Variants in CLDN16 observed in about 807,000 individuals in gnomAD.
The protein encoded by CLDN16 is claudin 16.
In CLDN16, 13 loss-of-function variants were observed where a neutral mutation model predicts 24.6. The ratio of observed to expected loss-of-function variants is 0.53; its 90% CI spans 0.34 to 0.84. The LOEUF is 0.84. CLDN16 is among the 40% of genes least tolerant of loss of function. The pLI, the probability that CLDN16 is intolerant of heterozygous loss-of-function variation, is 0.01. For missense variants in CLDN16, 298 were observed against 292.7 expected (o/e 1.02, Z -0.13); for synonymous variants, 116 against 106.7 (o/e 1.09, Z -0.54).
At chr3:190,393,667 T>G (rs1021945805) in intron 1 of CLDN16, among the ~76,000 whole-genome samples, 1 of 152,102 alleles carries the variant, frequency 6.6e-6, no homozygotes, top group African/African-American at 2.4e-5. Flanking sequence ...CAGAGAAATA[T>G]AAGGTTTAAA....
At chr3:190,406,543 A>G (rs1719100948) in intron 3 of CLDN16, among the ~76,000 whole-genome samples, 1 of 152,202 alleles carries the variant, frequency 6.6e-6, no homozygotes, top group Non-Finnish European at 1.5e-5. Context: ...AGAAATAACT[A>G]AATTGAAAGA....
chr3:190,408,104 A>G (rs1371225120), intron 3 of CLDN16, among the ~76,000 whole-genome samples: 2 of 152,232 alleles, frequency 1.3e-5, no homozygotes, highest in African/African-American at 2.4e-5. Flanking sequence ...TTCTTTATGT[A>G]TAAACTGAGA....
chr3:190,374,269 TTGTGTGTGTGTGTGTG>T (rs3220823), intron 2 of CLDN16, among the ~76,000 whole-genome samples: 10 of 139,300 alleles, frequency 7.2e-5, no homozygotes, highest in South Asian at 2.4e-4. Context: ...CTGAAAAACA[TTGTGTGTGTGTGTGTG>T]TGTGTGTGTG....
the CLDN16 span, chr3:190,307,939 A>G: frequency 4.9e-6 from 1 of 203,958 alleles, no homozygotes; most frequent in Non-Finnish European, 1.0e-5. Context: ...TGAGAATAGT[A>G]TTTTACTGTC....
At chr3:190,408,622 ATTAAAAATTCCAATTGT>A (rs1156458010) in intron 4 of CLDN16, 117 bp downstream of exon 4, 1 of 958,426 alleles carries the variant, frequency 1.0e-6, no homozygotes, top group African/African-American at 1.6e-5. Flanking sequence ...ACCTATTGCC[ATTAAAAATTCCAATTGT>A]TCAAGGGCAA....
chr3:190,314,334 G>C, the CLDN16 span, among the ~76,000 whole-genome samples: 2 of 152,106 alleles, frequency 1.3e-5, no homozygotes, highest in African/African-American at 4.8e-5. Context: ...ATTAAATCTT[G>C]ATTTACTGAT....
intron 1 of CLDN16, among the ~76,000 whole-genome samples, chr3:190,354,458 A>G (rs974898317): frequency 6.6e-6 from 1 of 151,958 alleles, no homozygotes; most frequent in Non-Finnish European, 1.5e-5. Flanking sequence ...GGGATTTTGA[A>G]GACACACTCT....
chr3:190,380,062 A>G (rs565174674), intron 3 of CLDN16, among the ~76,000 whole-genome samples: 4 of 151,192 alleles, frequency 2.6e-5, no homozygotes, highest in African/African-American at 9.7e-5. Context: ...CTATTAATCT[A>G]TAGTTACTAA....
intron 1 of CLDN16, among the ~76,000 whole-genome samples, chr3:190,365,336 T>C (rs1003645560): frequency 6.6e-6 from 1 of 151,684 alleles, no homozygotes; most frequent in African/African-American, 2.4e-5. Context: ...TTTCAGCTAT[T>C]CTGATGCTGC....
At chr3:190,346,431 G>A (rs563735810) in intron 1 of CLDN16, among the ~76,000 whole-genome samples, 52 of 152,186 alleles carry the variant, frequency 3.4e-4, no homozygotes, top group African/African-American at 1.2e-3. Flanking sequence ...TCATATTTGC[G>A]TTTTAACAGT....
intron 1 of CLDN16, among the ~76,000 whole-genome samples, chr3:190,393,316 A>G (rs184598338): frequency 6.6e-6 from 1 of 152,370 alleles, no homozygotes; most frequent in Non-Finnish European, 1.5e-5. Context: ...ACTTAGAGGT[A>G]GGAACACAAT....
chr3:190,337,481 A>G (rs1177191770), intron 1 of CLDN16, among the ~76,000 whole-genome samples: 3 of 152,240 alleles, frequency 2.0e-5, no homozygotes, highest in Non-Finnish European at 4.4e-5. Context: ...TCACGAATGT[A>G]GTAGTCATGG....
At chr3:190,382,340 A>G (rs1718387704) in intron 3 of CLDN16, among the ~76,000 whole-genome samples, 1 of 152,130 alleles carries the variant, frequency 6.6e-6, no homozygotes, top group South Asian at 2.1e-4. Flanking sequence ...TTGCTACTGA[A>G]TTTGAGGCTG....
At chr3:190,326,787 T>A (rs1339309539) in intron 1 of CLDN16, among the ~76,000 whole-genome samples, 1 of 152,202 alleles carries the variant, frequency 6.6e-6, no homozygotes, top group Non-Finnish European at 1.5e-5. Flanking sequence ...GATGAAATTT[T>A]AGCCATAAAA....
intron 3 of CLDN16, among the ~76,000 whole-genome samples, chr3:190,375,432 A>G (rs538388772): frequency 2.4e-4 from 36 of 152,054 alleles, no homozygotes; most frequent in African/African-American, 8.4e-4. Flanking sequence ...AAAAGATCAC[A>G]TGCTGGAATT....
chr3:190,322,300 G>A, upstream of CLDN16: 2 of 1,124,396 alleles, frequency 1.8e-6, no homozygotes, highest in South Asian at 2.6e-5. Flanking sequence ...AGGTGGCTGG[G>A]CCCCGCGGAG....
intron 1 of CLDN16, among the ~76,000 whole-genome samples, chr3:190,338,507 G>A (rs539816737): frequency 6.6e-6 from 1 of 152,140 alleles, no homozygotes; most frequent in Non-Finnish European, 1.5e-5. Flanking sequence ...AAATTGACAA[G>A]TACAGCAATT....
At chr3:190,387,624 A>G (rs1189221429), upstream of CLDN16, among the ~76,000 whole-genome samples, 1 of 152,178 alleles carries the variant, frequency 6.6e-6, no homozygotes, top group Non-Finnish European at 1.5e-5. Flanking sequence ...TTCCACCCAG[A>G]GCTGTCTGCA....
chr3:190,326,228 A>G (rs6781278), intron 1 of CLDN16, among the ~76,000 whole-genome samples: 90,689 of 151,980 alleles, frequency 0.6, 27,988 homozygotes, highest in East Asian at 0.78. Flanking sequence ...TACATGAAAC[A>G]GTACTTATTA....
Sources: gnomAD v4.1 joint callset for allele counts (sites outside exome capture counted in the v4.1 genomes callset) on GRCh38, gnomAD v4.1.1 for gene constraint, MANE v1.5 for transcripts, NCBI Gene and HGNC (gene_info 2026-07-23, HGNC 2026-07-21) for gene names.